Variants in STK3 observed in about 807,000 individuals in gnomAD.
STK3 encodes serine/threonine-protein kinase 3.
Under a neutral mutation model 58.0 loss-of-function variants are expected in STK3, and 41 were observed. That is an observed-to-expected ratio of 0.71 (90% CI 0.55 to 0.92). STK3 has a LOEUF of 0.92. Among genes scored for constraint, STK3 ranks in the 40% least tolerant of loss-of-function variants. The pLI, the probability that STK3 is intolerant of heterozygous loss-of-function variation, is 0.00. For synonymous variants in STK3, 170 were observed against 191.0 expected (o/e 0.89, Z 0.91); for missense variants, 479 against 602.7 (o/e 0.79, Z 2.15).
chr8:98,657,526 A>G (rs935954757), intron 6 of STK3, among the ~76,000 whole-genome samples: 2 of 152,122 alleles, frequency 1.3e-5, no homozygotes, highest in African/African-American at 4.8e-5. Context: ...AAAAGCCACC[A>G]CAAATCTTAT....
intron 1 of STK3, among the ~76,000 whole-genome samples, chr8:98,784,815 G>GCCT (rs922659148): frequency 4.1e-4 from 63 of 152,026 alleles, no homozygotes; most frequent in African/African-American, 1.4e-3. Context: ...CTTTTCCTGT[G>GCCT]CAGAGATTCT....
intron 3 of STK3, among the ~76,000 whole-genome samples, chr8:98,868,767 G>A (rs762117496): frequency 6.6e-6 from 1 of 151,748 alleles, no homozygotes; most frequent in Non-Finnish European, 1.5e-5. Flanking sequence ...TCAGGAGTTC[G>A]AGACCAGCCT....
intron 6 of STK3, among the ~76,000 whole-genome samples, chr8:98,625,245 G>A (rs534185887): frequency 3.9e-5 from 6 of 152,122 alleles, no homozygotes; most frequent in Admixed American, 2.0e-4. Context: ...ATTACCTCTG[G>A]TTTCTCCTTT....
chr8:98,684,975 G>A lies in STK3; in HGVS notation c.684+21492C>T, dbSNP rs567690604. 2.0e-5 allele frequency among the ~76,000 whole-genome samples: 3 copies of A among 152,266 alleles called. 1 individual carries two copies. The highest frequency in any genetic ancestry group is 1.9e-4 in the East Asian group (1 of 5,184). ...TATTTTGTTTCACTTATGTGTGTGT[G>A]TGTGTCTGTACACATGTGCATAATG... On this transcript the variant is annotated intron_variant, in intron 6 of 10. Coordinates refer to ENST00000419617, the MANE Select transcript of STK3 (RefSeq NM_006281.4).
intron 4 of STK3, among the ~76,000 whole-genome samples, chr8:98,741,164 C>G (rs1829172559): frequency 6.6e-6 from 1 of 152,200 alleles, no homozygotes; most frequent in Admixed American, 6.5e-5. Flanking sequence ...TAACACCCCA[C>G]TGTCAACATT....
At chr8:98,425,157 AAGG>A (rs2131061393) in intron 3 of STK3, among the ~76,000 whole-genome samples, 1 of 152,346 alleles carries the variant, frequency 6.6e-6, no homozygotes, top group East Asian at 1.9e-4. Flanking sequence ...CATGGGGATG[AAGG>A]AGATCCAGGG....
intron 10 of STK3, among the ~76,000 whole-genome samples, chr8:98,488,523 C>T (rs1822446085): frequency 6.6e-6 from 1 of 152,154 alleles, no homozygotes; most frequent in Non-Finnish European, 1.5e-5. Context: ...TCTTTTCCTG[C>T]TTCTAATGTT....
intron 9 of STK3, among the ~76,000 whole-genome samples, chr8:98,542,934 T>C (rs752605157): frequency 6.6e-6 from 1 of 152,186 alleles, no homozygotes; most frequent in African/African-American, 2.4e-5. Context: ...TCAGAAAACA[T>C]TTCATGAACT....
At chr8:98,461,777 G>A (rs1356402117) in intron 10 of STK3, among the ~76,000 whole-genome samples, 1 of 152,058 alleles carries the variant, frequency 6.6e-6, no homozygotes, top group East Asian at 1.9e-4. Context: ...CTTAGTTAAC[G>A]GTTTTCTGTT....
chr8:98,496,629 C>T (rs1314070629), intron 10 of STK3, among the ~76,000 whole-genome samples: 1 of 151,984 alleles, frequency 6.6e-6, no homozygotes, highest in East Asian at 1.9e-4. Flanking sequence ...TAATGGAATC[C>T]TATTCGGCCT....
intron 6 of STK3, among the ~76,000 whole-genome samples, chr8:98,661,404 C>T (rs919908547): frequency 6.6e-6 from 1 of 152,030 alleles, no homozygotes; most frequent in African/African-American, 2.4e-5. Context: ...ATCTCTGGGA[C>T]CTGTCCCTTT....
intron 10 of STK3, among the ~76,000 whole-genome samples, chr8:98,484,942 C>T (rs919017591): frequency 6.6e-6 from 1 of 152,018 alleles, no homozygotes; most frequent in African/African-American, 2.4e-5. Flanking sequence ...TTTGATTTAT[C>T]TAGAAGAATT....
chr8:98,721,168 A>C, intron 4 of STK3: 1 of 938,096 alleles, frequency 1.1e-6, no homozygotes, highest in Non-Finnish European at 1.3e-6. Flanking sequence ...ATTCTGCTAA[A>C]ACAAATATAT....
the STK3 span, among the ~76,000 whole-genome samples, chr8:98,352,729 T>A: frequency 6.6e-6 from 1 of 152,104 alleles, no homozygotes; most frequent in African/African-American, 2.4e-5. Context: ...CAGACCTATA[T>A]CCTGGTCCCT....
intron 1 of STK3, among the ~76,000 whole-genome samples, chr8:98,787,257 C>A (rs1476831961): frequency 1.7e-5 from 2 of 117,106 alleles, no homozygotes; most frequent in Admixed American, 1.7e-4. Flanking sequence ...CTTCAGGAAA[C>A]AATGGACACA....
chr8:98,587,073 AG>A (rs1355211688), intron 7 of STK3, among the ~76,000 whole-genome samples: 1 of 151,962 alleles, frequency 6.6e-6, no homozygotes, highest in Admixed American at 6.6e-5. Context: ...AATTTTTTGA[AG>A]GGTTTTTTGT....
In STK3 at chr8:98,456,020, T is replaced by C. The variant is rs1160721299; in HGVS notation, c.1318-20A>G. ...TTTCAACTAGATACAGAAAGAAAGA[T>C]ACCAATACAATGAAATTATCCACAT... is the stretch of plus-strand genomic sequence containing the variant. On this transcript the variant is annotated intron_variant, in intron 10 of 10. Transcript: ENST00000419617. 4 of 1,584,490 alleles carry C rather than the reference T, an allele frequency of 2.5e-6. No individual in the cohort carries two copies. Among genetic ancestry groups the C allele is most frequent in the East Asian group, 4.5e-5 (2 of 44,314 alleles).
downstream of STK3, chr8:98,882,626 A>C (rs1004649704): frequency 3.3e-5 from 5 of 152,240 alleles, no homozygotes; most frequent in Admixed American, 2.6e-4. Flanking sequence ...CATGTTGGCC[A>C]GGCTGGTCTC....
intron 1 of STK3, among the ~76,000 whole-genome samples, chr8:98,794,400 C>A (rs116535549): frequency 6.6e-6 from 1 of 152,120 alleles, no homozygotes; most frequent in East Asian, 1.9e-4. Context: ...CTCCTATTTA[C>A]GCAAACTAGA....
Sources: gnomAD v4.1 joint callset for allele counts (sites outside exome capture counted in the v4.1 genomes callset) on GRCh38, gnomAD v4.1.1 for gene constraint, MANE v1.5 for transcripts, NCBI Gene and HGNC (gene_info 2026-07-23, HGNC 2026-07-21) for gene names.